The following RGS11 variants were observed in gnomAD, a reference collection of about 807,000 sequenced individuals.
The protein encoded by RGS11 is regulator of G-protein signaling 11.
A neutral mutation model predicts 71.1 loss-of-function variants in RGS11; 86 were observed. The observed-to-expected ratio is 1.21, with a 90% CI of 1.02 to 1.45. RGS11 has a LOEUF of 1.45. RGS11 is among the 40% of genes most tolerant of loss of function. The probability of loss-of-function intolerance (pLI) is 0.00; values close to 1 mark genes in which losing one functional copy is unlikely to be tolerated. For missense variants in RGS11, 734 were observed against 635.1 expected (o/e 1.16, Z -1.67); for synonymous variants, 298 against 254.2 (o/e 1.17, Z -1.64).
rs761305917 is a variant in RGS11, at chr16:271,087, G to T, written c.876C>A (p.Pro292=). The change falls in exon 13 of 17, where the codon CCC becomes CCA. Residue 292 remains proline (P), a synonymous_variant. Coordinates refer to ENST00000397770, the MANE Select transcript of RGS11 (RefSeq NM_183337.3). ...WVMNAPTVAA[P]TKLRVERWGF... is the part of the protein sequence containing the mutation. ...CCCATCTCTCCACACGGAGCTTCGT[G>T]GGGGCAGCCACCCTGGGGAGAGGGC... The T allele has an allele frequency of 6.2e-7, 1 of 1,611,996 alleles. No individual in the cohort carries two copies. Among genetic ancestry groups the T allele is most frequent in the Non-Finnish European group, 8.5e-7 (1 of 1,179,652 alleles).
chr16:270,384 C>T, intron 15 of RGS11, 139 bp downstream of exon 15: 1 of 1,076,394 alleles, frequency 9.3e-7, no homozygotes, highest in Non-Finnish European at 1.3e-6. Context: ...CAGGGCGGCC[C>T]CAACCAGGTG....
intron 5 of RGS11, 31 bp downstream of exon 5, chr16:274,183 C>T (rs759465321): frequency 1.2e-6 from 2 of 1,601,374 alleles, no homozygotes; most frequent in East Asian, 2.3e-5. Context: ...GTCCTGGGAA[C>T]TTGTCTGGGG....
At chr16:273,655 G>T in intron 7 of RGS11, 99 bp from the exon 8 acceptor site, 3 of 1,496,418 alleles carry the variant, frequency 2.0e-6, no homozygotes, top group Non-Finnish European at 2.8e-6. Context: ...ACACCCAGGG[G>T]TGCCCTCCAC....
Position 273,512 on chromosome 16 carries a change from C to T in RGS11, c.551G>A (p.Cys184Tyr). 1 of 1,556,990 alleles carries T rather than the reference C, an allele frequency of 6.4e-7. No individual in the cohort carries two copies. The highest frequency in any genetic ancestry group is 8.7e-7 in the Non-Finnish European group (1 of 1,150,512). Residue 184 changes from cysteine (C) to tyrosine (Y), a missense_variant, in exon 8 of 17, where the codon TGC (cysteine) becomes TAC (tyrosine). Coordinates refer to ENST00000397770, the MANE Select transcript of RGS11 (RefSeq NM_183337.3). ...CACCAGCCAGTAGGTCTGCTCCTGG[C>T]ACGCAATGACCAGCCTGTCCCCCTT... The part of the protein sequence containing the change: ...RSKGDRLVIA[C>Y]QEQTYWLVNR...
Position 273,619 on chromosome 16 carries a change from T to C in RGS11, c.507-63A>G, listed in dbSNP as rs1596907807. On this transcript the variant is annotated intron_variant, in intron 7 of 16. Coordinates refer to ENST00000397770, the MANE Select transcript of RGS11 (RefSeq NM_183337.3). ...CACAGCAGCCCCTCCGCCCCCACCC[T>C]CAGGCCTGGACCTGGGCAGGCAGCC... The C allele has an allele frequency of 3.3e-6, 5 of 1,507,560 alleles. No homozygotes were observed. In the East Asian group the frequency reaches 1.2e-4, roughly 36 times the overall value. 93.4% of individuals were successfully genotyped at this position (1,507,560 alleles called of 1,614,324 possible).
intron 4 of RGS11, chr16:274,700 G>A (rs1358928418): frequency 1.5e-6 from 1 of 683,026 alleles, no homozygotes; most frequent in Non-Finnish European, 2.7e-6. Context: ...CCAGGAAGAT[G>A]GCAGAATCCT....
chr16:268,825 G>T lies in RGS11; in HGVS notation c.*444C>A, dbSNP rs139307060. On this transcript the variant is annotated 3_prime_UTR_variant, in exon 17 of 17. Coordinates refer to ENST00000397770, the MANE Select transcript of RGS11 (RefSeq NM_183337.3). ...GGCTCTTGGACGGGGCAGAGCTCGC[G>T]CCGAGACCTGCATGTCCGCGTCTTG... The T allele has an allele frequency of 3.2e-6, 5 of 1,550,314 alleles. No homozygotes were observed. The highest frequency in any genetic ancestry group is 1.7e-4 in the Middle Eastern group (1 of 5,992).
At chr16:272,763 G>T in intron 9 of RGS11, 100 bp downstream of exon 9, 1 of 1,525,900 alleles carries the variant, frequency 6.6e-7, no homozygotes, top group South Asian at 1.2e-5. Context: ...CCCTCTGGGT[G>T]GACCAAATGA....
intron 15 of RGS11, 97 bp from the exon 16 acceptor site, chr16:269,682 C>T (rs974283736): frequency 8.1e-6 from 8 of 983,094 alleles, no homozygotes; most frequent in South Asian, 1.4e-5. Context: ...GAGCCTCCTC[C>T]AGCCACAGAG....
Position 269,306 on chromosome 16 carries a change from G to A in RGS11, c.1367C>T (p.Ala456Val), listed in dbSNP as rs374093158. ...ALLPTPVEPT[A>V]ACGPGGGDGV... ...ATCTCCACCCCCAGGGCCACAAGCC[G>A]CTGTGGGCTCCACAGGGGTGGGAAG... The change falls in exon 17 of 17, where the codon GCG becomes GTG. Residue 456 changes from alanine (A) to valine (V), a missense_variant. By Grantham distance (64) the Ala-to-Val change is moderately conservative. Transcript: ENST00000397770. 3.0e-5 allele frequency: 48 copies of A among 1,591,264 alleles called. No individual in the cohort carries two copies. The highest frequency in any genetic ancestry group is 3.6e-5 in the Admixed American group (2 of 56,002).
chr16:271,156 C>G (rs772664396), intron 12 of RGS11, 46 bp downstream of exon 12: 1 of 1,606,614 alleles, frequency 6.2e-7, no homozygotes, highest in Admixed American at 1.7e-5. Context: ...TGCGTCCCCC[C>G]AGGCTGGGAG....
At chr16:274,650 C>T (rs1181654032) in intron 4 of RGS11, 2 of 652,100 alleles carry the variant, frequency 3.1e-6, no homozygotes, top group East Asian at 6.0e-5. Flanking sequence ...TGTCCTCAGG[C>T]CTTCACAGCC....
chr16:275,487 C>G lies in RGS11; in HGVS notation c.75G>C (p.Val25=). The G allele has an allele frequency of 6.3e-7, 1 of 1,575,844 alleles. No homozygotes were observed. The highest frequency in any genetic ancestry group is 1.3e-5 in the African/African-American group (1 of 74,602). ...GGTCGGGGTCCTGCATGCTCACGAC[C>G]ACCCGCTCCATCTGGGCGGAGGGAG... The part of the protein sequence containing the change: ...QMPHLRKMER[V]VVSMQDPDQG... The change falls in exon 2 of 17, where the codon GTG becomes GTC. Residue 25 remains valine (V), a synonymous_variant. Transcript: ENST00000397770.
rs1201660478 is a variant in RGS11, at chr16:275,430, C to T, written c.132G>A (p.Leu44=). The change falls in exon 2 of 17, where the codon CTG becomes CTA. Residue 44 remains leucine, a synonymous_variant. Coordinates refer to ENST00000397770, the MANE Select transcript of RGS11 (RefSeq NM_183337.3). ...TCACCGCGTGGGGAATGACGGTGAC[C>T]AGCAGGCGCTGGCTCCGCATCTTCA... is the stretch of plus-strand genomic sequence containing the variant. The part of the protein sequence containing the change: ...QGVKMRSQRL[L]VTVIPHAVTG... 2.5e-6 allele frequency: 4 copies of T among 1,602,362 alleles called. No individual in the cohort carries two copies. The highest frequency in any genetic ancestry group is 3.4e-6 in the Non-Finnish European group (4 of 1,179,036).
intron 1 of RGS11, 71 bp from the exon 2 acceptor site, chr16:275,569 G>T: frequency 7.7e-7 from 1 of 1,299,942 alleles, no homozygotes; most frequent in Non-Finnish European, 1.1e-6. Context: ...CGGCCGGGAT[G>T]CCCCGGATCC....
chr16:273,349 C>T lies in RGS11; in HGVS notation c.588+126G>A, dbSNP rs935407396. The T allele has an allele frequency of 9.8e-6, 7 of 711,856 alleles. No individual in the cohort carries two copies. In the South Asian group the frequency reaches 1.1e-4, roughly 11 times the overall value. The allele number at this position is 711,856 out of a possible 1,614,324, so 44.1% of individuals were successfully genotyped here. A position where few individuals can be genotyped will look rare whatever the true frequency, so the allele number is the denominator to read the frequency against. On this transcript the variant is annotated intron_variant, in intron 8 of 16. Coordinates refer to ENST00000397770, the MANE Select transcript of RGS11 (RefSeq NM_183337.3). ...GTCACGAAGTGAAAACGTCCTGCCC[C>T]CACCAGGAGCTCCAAGGCAGGTCCT...
chr16:275,523 G>T lies in RGS11; in HGVS notation c.64-25C>A. The T allele has an allele frequency of 4.0e-6, 6 of 1,515,608 alleles. No homozygotes were observed. In the African/African-American group the frequency reaches 8.2e-5, roughly 21 times the overall value. 93.9% of individuals were successfully genotyped at this position (1,515,608 alleles called of 1,614,324 possible). A position where few individuals can be genotyped will look rare whatever the true frequency, so the allele number is the denominator to read the frequency against. ...TCTGGGCGGAGGGAGTCGTCAGGGG[G>T]TGTCTGGCCGCCCCGCAACCCTGAT... On this transcript the variant is annotated intron_variant, in intron 1 of 16. Transcript: ENST00000397770.
At chr16:270,719 C>A (rs190023318) in intron 14 of RGS11, 25 bp downstream of exon 14, 8 of 1,610,826 alleles carry the variant, frequency 5.0e-6, no homozygotes, top group South Asian at 1.1e-5. Context: ...CGTTGGCCAA[C>A]CGGTGCCCAC....
intron 9 of RGS11, 177 bp from the exon 10 acceptor site, chr16:271,746 G>A (rs2051950236): frequency 1.6e-6 from 1 of 634,928 alleles, no homozygotes; most frequent in African/African-American, 1.8e-5. Context: ...GATCTTTCGA[G>A]GAGACCTCTG....
Sources: gnomAD v4.1 joint callset for allele counts on GRCh38, gnomAD v4.1.1 for gene constraint, MANE v1.5 for transcripts, NCBI Gene and HGNC (gene_info 2026-07-23, HGNC 2026-07-21) for gene names.